The following CXorf38 variants were observed in gnomAD, a reference collection of about 807,000 sequenced individuals.
CXorf38 encodes uncharacterized protein CXorf38.
A neutral mutation model predicts 27.5 loss-of-function variants in CXorf38; 13 were observed. That is an observed-to-expected ratio of 0.47 (90% CI 0.31 to 0.75). The LOEUF (loss-of-function observed/expected upper bound fraction) is 0.75. Among genes scored for constraint, CXorf38 ranks in the 30% least tolerant of loss-of-function variants. The pLI is 0.05. For missense variants in CXorf38, 240 were observed against 253.2 expected, an observed-to-expected ratio of 0.95 and a Z score of 0.35; for synonymous variants, 100 against 99.8, an observed-to-expected ratio of 1.00 and a Z score of -0.01.
rs1928634124 is a variant in CXorf38, at chrX:40,647,211, G to A, written c.217-70C>T. 5 of 1,154,911 alleles carry A rather than the reference G, an allele frequency of 4.3e-6. No homozygotes were observed. In the East Asian group the frequency reaches 1.3e-4, roughly 29 times the overall value. On this transcript the variant is annotated intron_variant, in intron 1 of 6. Transcript: ENST00000327877. ...CGCGGTGGGCCCCGCATCGCGGAGGGAACAGGACACTTGCGCTCTGGGTCT... is the reference window on the plus strand; with the variant it reads ...CGCGGTGGGCCCCGCATCGCGGAGGAAACAGGACACTTGCGCTCTGGGTCT...
chrX:40,631,241 A>ATG (rs1927772901), intron 5 of CXorf38, among the ~76,000 whole-genome samples: 3 of 56,568 alleles, frequency 5.3e-5, no homozygotes, highest in African/African-American at 2.0e-4. Context: ...ATATGTGTGT[A>ATG]TGTATATATA....
chrX:40,639,884 G>A, intron 2 of CXorf38: 1 of 123,441 alleles, frequency 8.1e-6, no homozygotes, highest in Non-Finnish European at 1.7e-5. Context: ...GCCTTTAGTA[G>A]GAATTTTATG....
chrX:40,646,935 A>G lies in CXorf38; in HGVS notation c.351+72T>C, dbSNP rs1227084195. On this transcript the variant is annotated intron_variant, in intron 2 of 6. Coordinates refer to ENST00000327877, the MANE Select transcript of CXorf38 (RefSeq NM_144970.3). ...CTGTTTATGAGGCCCCGGCGACCAC[A>G]AGACCAGATAGCCACCCCGAGTGCT... The G allele has an allele frequency of 2.7e-6, 3 of 1,120,565 alleles. No homozygotes were observed. In the African/African-American group the frequency reaches 5.6e-5, roughly 21 times the overall value. The allele number at this position is 1,120,565 out of a possible 1,213,427, so 92.3% of individuals were successfully genotyped here. A position where few individuals can be genotyped will look rare whatever the true frequency, so the allele number is the denominator to read the frequency against.
In CXorf38 at chrX:40,630,636, T is replaced by C. The variant is rs147827701; in HGVS notation, c.939A>G (p.Gln313=). 31 of 1,208,451 alleles carry C rather than the reference T, an allele frequency of 2.6e-5. No individual in the cohort carries two copies. The Admixed American group carries it at 5.3e-4, about 20-fold the overall frequency. Residue 313 remains glutamine (Q), a synonymous_variant, in exon 6 of 7, where the codon CAA becomes CAG. Coordinates refer to ENST00000327877, the MANE Select transcript of CXorf38 (RefSeq NM_144970.3). ...QKLDSQEPGR[Q]TPDRKA is the part of the protein sequence containing the mutation. ...CACCTCAGGCCTTCCTGTCAGGTGT[T>C]TGTCTCCCAGGTTCCTGTGAATCCA...
chrX:40,631,160 AATT>A (rs759956976), intron 5 of CXorf38, among the ~76,000 whole-genome samples: 21 of 108,066 alleles, frequency 1.9e-4, no homozygotes, highest in African/African-American at 6.1e-4. Flanking sequence ...TCTGTACCTG[AATT>A]ATTATATAGA....
intron 5 of CXorf38, among the ~76,000 whole-genome samples, chrX:40,635,307 C>T (rs1023736242): frequency 4.4e-5 from 5 of 113,213 alleles, no homozygotes; most frequent in African/African-American, 1.6e-4. Flanking sequence ...CCAGGGGTAC[C>T]AAGCCCTTGT....
intron 2 of CXorf38, 89 bp downstream of exon 2, chrX:40,646,918 G>T: frequency 1.9e-6 from 2 of 1,039,684 alleles, no homozygotes; most frequent in South Asian, 4.4e-5. Context: ...ATCTGTTTAT[G>T]AGGCCCCGGC....
intron 2 of CXorf38, 115 bp downstream of exon 2, chrX:40,646,892 C>T: frequency 2.2e-6 from 2 of 901,621 alleles, no homozygotes; most frequent in Non-Finnish European, 3.0e-6. Context: ...GACCCTTGAT[C>T]AATCTCTCTC....
chrX:40,634,339 G>C (rs776458333), intron 5 of CXorf38, among the ~76,000 whole-genome samples: 1 of 111,893 alleles, frequency 8.9e-6, no homozygotes, highest in Admixed American at 9.5e-5. Flanking sequence ...TGAAAGTGCC[G>C]GGATTACAGG....
intron 5 of CXorf38, among the ~76,000 whole-genome samples, chrX:40,633,100 C>T (rs1003095905): frequency 3.5e-4 from 39 of 110,981 alleles, no homozygotes; most frequent in African/African-American, 1.2e-3. Flanking sequence ...CTTCTACCTT[C>T]AGCCTGGCTA....
chrX:40,629,297 CCA>C lies in CXorf38; in HGVS notation c.*865_*866del, dbSNP rs904589633. On this transcript the variant is annotated 3_prime_UTR_variant, in exon 7 of 7. Coordinates refer to ENST00000327877, the MANE Select transcript of CXorf38 (RefSeq NM_144970.3). ...GGATTACAGGCGTGAACCACTGCAC[CCA>C]GAGGCAGTAACATTTCTGTACTAAT... 4 of 111,800 alleles carry C rather than the reference CCA, an allele frequency of 3.6e-5. No individual in the cohort carries two copies. The highest frequency in any genetic ancestry group is 1.3e-4 in the African/African-American group (4 of 30,735). The allele number at this position is 111,800 out of a possible 1,213,427, so 9.2% of individuals were successfully genotyped here. A position where few individuals can be genotyped will look rare whatever the true frequency, so the allele number is the denominator to read the frequency against.
chrX:40,630,421 A>T, intron 6 of CXorf38, 193 bp downstream of exon 6: 1 of 363,725 alleles, frequency 2.7e-6, no homozygotes, highest in Non-Finnish European at 4.6e-6. Context: ...GTTGATGCTG[A>T]ATTACTTCAC....
In CXorf38 at chrX:40,639,053, T is replaced by C; in HGVS notation, c.427A>G (p.Asn143Asp). Residue 143 changes from asparagine (N) to aspartate (D), a missense_variant, in exon 3 of 7, where the codon AAC becomes GAC. Asn to Asp is a conservative substitution (Grantham distance 23). Transcript: ENST00000327877. ...TCAACCACGAAGTGATCGCAGGAGT[T>C]GATGAGACTTAAAAGAGCAACTGCA... ...CDAVALLSLI[N>D]SCDHFVVDRK... 8.3e-7 allele frequency: 1 copy of C among 1,211,136 alleles called. No homozygotes were observed. The highest frequency in any genetic ancestry group is 1.8e-5 in the South Asian group (1 of 56,979).
Position 40,629,015 on chromosome X carries a change from T to C in CXorf38, c.*1149A>G, listed in dbSNP as rs748340861. On this transcript the variant is annotated 3_prime_UTR_variant, in exon 7 of 7. Transcript: ENST00000327877. ...ACTCCAACCTAGTAGTAACAGTTTT[T>C]GGGGTTTTTTTTTTTTTGAGACAGG... The C allele has an allele frequency of 1.9e-5, 2 of 104,370 alleles. No homozygotes were observed. Among genetic ancestry groups the C allele is most frequent in the Admixed American group, 2.1e-4 (2 of 9,743 alleles). 8.6% of individuals were successfully genotyped at this position (104,370 alleles called of 1,213,427 possible).
intron 5 of CXorf38, among the ~76,000 whole-genome samples, chrX:40,631,063 T>C (rs1927754786): frequency 9.0e-6 from 1 of 110,971 alleles, no homozygotes; most frequent in African/African-American, 3.3e-5. Flanking sequence ...GCTTTAAAAC[T>C]TCCTGCCTTT....
chrX:40,636,952 T>G lies in CXorf38; in HGVS notation c.621+55A>C, dbSNP rs1161621061. ...CTTCAAATTCTAAATGTGTGGCTGT[T>G]GTTGTTTTCTCTCTCTTCATTCTGT... On this transcript the variant is annotated intron_variant, in intron 4 of 6. Coordinates refer to ENST00000327877, the MANE Select transcript of CXorf38 (RefSeq NM_144970.3). 3.9e-6 allele frequency: 4 copies of G among 1,036,802 alleles called. No individual in the cohort carries two copies. In the East Asian group the frequency reaches 9.2e-5, roughly 24 times the overall value. 85.4% of individuals were successfully genotyped at this position (1,036,802 alleles called of 1,213,427 possible). A position where few individuals can be genotyped will look rare whatever the true frequency, so the allele number is the denominator to read the frequency against.
At chrX:40,644,081 T>C (rs1928467101) in intron 2 of CXorf38, among the ~76,000 whole-genome samples, 2 of 112,533 alleles carry the variant, frequency 1.8e-5, no homozygotes, top group African/African-American at 6.5e-5. Context: ...GGAGCTGCTA[T>C]GAACATCTGC....
chrX:40,636,067 G>A (rs762863200), intron 5 of CXorf38, among the ~76,000 whole-genome samples: 3 of 112,922 alleles, frequency 2.7e-5, no homozygotes, highest in South Asian at 7.2e-4. Flanking sequence ...GCCATAGCTC[G>A]TGTGCTCACC....
chrX:40,640,465 TG>T (rs1322900177), intron 2 of CXorf38: 13 of 179,062 alleles, frequency 7.3e-5, no homozygotes, highest in African/African-American at 3.1e-4. Context: ...CTGAAAAGGC[TG>T]GGGTAAGTGC....
Sources: allele counts gnomAD v4.1 joint callset (sites outside exome capture counted in the v4.1 genomes callset), GRCh38; gene constraint gnomAD v4.1.1; transcripts MANE v1.5; gene names NCBI Gene and HGNC (gene_info 2026-07-23, HGNC 2026-07-21).